The following MTUS2 variants were observed in gnomAD, a reference collection of about 807,000 sequenced individuals.
MTUS2 encodes microtubule-associated tumor suppressor candidate 2.
Under a neutral mutation model 114.1 loss-of-function variants are expected in MTUS2, and 40 were observed. That is an observed-to-expected ratio of 0.35 (90% CI 0.27 to 0.46). The LOEUF (loss-of-function observed/expected upper bound fraction) is 0.46. Among genes scored for constraint, MTUS2 ranks in the 20% least tolerant of loss-of-function variants. MTUS2 has a pLI of 1.00. For missense variants in MTUS2, 1,679 were observed against 1,705.4 expected (o/e 0.98, Z 0.27); for synonymous variants, 688 against 672.0 (o/e 1.02, Z -0.37).
chr13:28,899,804 GTC>G (rs575282283), intron 2 of MTUS2, among the ~76,000 whole-genome samples: 211 of 152,238 alleles, frequency 1.4e-3, no homozygotes, highest in African/African-American at 4.3e-3. Flanking sequence ...CTGCACTGGA[GTC>G]TCTGAACCTG....
At position 29,488,612 on chromosome 13, in the gene MTUS2, G is replaced by A. The variant is rs995420396; in HGVS notation, c.3505+607G>A. Among the ~76,000 whole-genome samples the A allele has an allele frequency of 2.6e-5, 4 of 151,830 alleles. No homozygotes were observed. The East Asian group carries it at 5.8e-4, about 22-fold the overall frequency. ...ATTACAGGTGCCCACTACCACACCCGGCTAGGCTTTATGATGTTTATTGCC... is the reference window on the plus strand; with the variant it reads ...ATTACAGGTGCCCACTACCACACCCAGCTAGGCTTTATGATGTTTATTGCC... On this transcript the variant is annotated intron_variant, in intron 11 of 15. Coordinates refer to ENST00000612955, the MANE Select transcript of MTUS2 (RefSeq NM_001033602.4).
At chr13:29,308,351 A>G (rs1279858041) in intron 6 of MTUS2, among the ~76,000 whole-genome samples, 3 of 152,244 alleles carry the variant, frequency 2.0e-5, no homozygotes, top group African/African-American at 2.4e-5. Flanking sequence ...CTGGCTAGCC[A>G]TATGCAGAAA....
At chr13:29,103,414 C>A (rs9506105) in intron 5 of MTUS2, among the ~76,000 whole-genome samples, 102,284 of 152,102 alleles carry the variant, frequency 0.67, 35,087 homozygotes, top group Non-Finnish European at 0.74. Flanking sequence ...CACAATAGTG[C>A]GTATTGGTAT....
intron 5 of MTUS2, among the ~76,000 whole-genome samples, chr13:29,237,927 T>TA (rs1202129404): frequency 6.6e-5 from 10 of 151,530 alleles, no homozygotes; most frequent in South Asian, 2.1e-4. Context: ...CATAAGAATG[T>TA]AAAAAAAAGA....
At chr13:29,442,761 A>G (rs1314864971) in intron 9 of MTUS2, among the ~76,000 whole-genome samples, 1 of 152,168 alleles carries the variant, frequency 6.6e-6, no homozygotes, top group Non-Finnish European at 1.5e-5. Context: ...GCTTGAGGAC[A>G]CTTCCCTGCC....
At chr13:28,885,532 A>C (rs1206291924) in intron 2 of MTUS2, among the ~76,000 whole-genome samples, 6 of 152,320 alleles carry the variant, frequency 3.9e-5, no homozygotes, top group Admixed American at 2.0e-4. Context: ...TAGGATCCAG[A>C]CTTATTTTGG....
At chr13:28,977,799 A>G (rs530387165) in intron 2 of MTUS2, among the ~76,000 whole-genome samples, 1 of 152,304 alleles carries the variant, frequency 6.6e-6, no homozygotes, top group Admixed American at 6.5e-5. Context: ...TTATTCATTT[A>G]TTTTTAATAG....
At chr13:29,489,013 C>T (rs562734486) in intron 11 of MTUS2, among the ~76,000 whole-genome samples, 7 of 152,274 alleles carry the variant, frequency 4.6e-5, no homozygotes, top group African/African-American at 1.4e-4. Flanking sequence ...GGCCGGGAGC[C>T]GTGGCTCACA....
intron 7 of MTUS2, among the ~76,000 whole-genome samples, chr13:29,342,055 TTAAAG>T (rs1369621494): frequency 1.3e-5 from 2 of 152,228 alleles, no homozygotes; most frequent in African/African-American, 4.8e-5. Flanking sequence ...GACTGTATCC[TTAAAG>T]TATAGTTTGA....
rs372176725 is a variant in MTUS2 at position 28,936,000 on chromosome 13, G to T, written c.-242-88457G>T. On this transcript the variant is annotated intron_variant, in intron 2 of 15. Coordinates refer to ENST00000612955, the MANE Select transcript of MTUS2 (RefSeq NM_001033602.4). ...GGCCTTAAGTGATCCTTCCGTCTTG[G>T]CCTCTCAAAGTGCTGGGATTACAGG... is the stretch of plus-strand genomic sequence containing the variant. 3.9e-4 allele frequency among the ~76,000 whole-genome samples: 59 copies of T among 152,196 alleles called. No homozygotes were observed. The South Asian group carries it at 0.012, about 31-fold the overall frequency.
At chr13:29,011,395 G>A (rs3898832) in intron 2 of MTUS2, among the ~76,000 whole-genome samples, 150,022 of 152,344 alleles carry the variant, frequency 0.98, 73,912 homozygotes, top group Middle Eastern at 1. Context: ...CTATTCAAAC[G>A]CACATCAACA....
intron 2 of MTUS2, among the ~76,000 whole-genome samples, chr13:28,873,570 G>T (rs1877751522): frequency 6.6e-6 from 1 of 152,240 alleles, no homozygotes; most frequent in Non-Finnish European, 1.5e-5. Context: ...TGTTTATCCT[G>T]TCAGTGTCTT....
At chr13:28,957,709 C>G (rs1478832259) in intron 2 of MTUS2, among the ~76,000 whole-genome samples, 1 of 152,150 alleles carries the variant, frequency 6.6e-6, no homozygotes, top group African/African-American at 2.4e-5. Context: ...GGACCAATGC[C>G]CTGTGGATAC....
At chr13:29,403,921 A>G (rs1009794231) in intron 8 of MTUS2, among the ~76,000 whole-genome samples, 2 of 151,796 alleles carry the variant, frequency 1.3e-5, no homozygotes, top group Non-Finnish European at 2.9e-5. Context: ...ATACCTATAT[A>G]TATATTTATC....
At chr13:28,963,763 G>A (rs145773039) in intron 2 of MTUS2, among the ~76,000 whole-genome samples, 1 of 152,176 alleles carries the variant, frequency 6.6e-6, no homozygotes, top group Non-Finnish European at 1.5e-5. Flanking sequence ...CATGGAGACT[G>A]CTCTTGTCAA....
chr13:29,042,429 T>C (rs1887409067), intron 4 of MTUS2, among the ~76,000 whole-genome samples: 1 of 152,132 alleles, frequency 6.6e-6, no homozygotes, highest in African/African-American at 2.4e-5. Context: ...GTAATGTTTC[T>C]TTTTTGTGAT....
In MTUS2 at chr13:29,188,185, A is replaced by G. The variant is rs74912514; in HGVS notation, c.2644+87215A>G. ...GGACTGAAGTTAATGTTGCGGCAAC[A>G]AGGAGAAATGGAATAAACACTAAGA... On this transcript the variant is annotated intron_variant, in intron 5 of 15. Transcript: ENST00000612955. 5.7e-3 allele frequency among the ~76,000 whole-genome samples: 872 copies of G among 152,340 alleles called. 10 individuals carry two copies. The highest frequency in any genetic ancestry group is 0.02 in the African/African-American group (829 of 41,576).
Position 28,894,806 on chromosome 13 carries a change from A to G in MTUS2, c.-243+54956A>G, listed in dbSNP as rs1047509210. Among the ~76,000 whole-genome samples the G allele has an allele frequency of 3.3e-5, 5 of 152,208 alleles. No individual in the cohort carries two copies. The South Asian group carries it at 1.0e-3, about 32-fold the overall frequency. ...GCTTAAGAATCAGTAAAATCTTTGC[A>G]GCCAGGGAAAATGTATGCTCTAAGT... On this transcript the variant is annotated intron_variant, in intron 2 of 15. Transcript: ENST00000612955.
chr13:29,297,958 T>C lies in MTUS2; in HGVS notation c.2806+16093T>C, dbSNP rs548939355. ...TATTCCTGAAACTTAGTTTTAGTCA[T>C]GTAGTGGTTCTTCCTCTCAAAATTT... On this transcript the variant is annotated intron_variant, in intron 6 of 15. Transcript: ENST00000612955. Among the ~76,000 whole-genome samples, 246 of 152,350 alleles carry C rather than the reference T, an allele frequency of 1.6e-3. 1 individual carries two copies. The highest frequency in any genetic ancestry group is 2.7e-3 in the Non-Finnish European group (186 of 68,032).
Sources: allele counts gnomAD v4.1 joint callset (sites outside exome capture counted in the v4.1 genomes callset), GRCh38; gene constraint gnomAD v4.1.1; transcripts MANE v1.5; gene names NCBI Gene and HGNC (gene_info 2026-07-23, HGNC 2026-07-21).